EYS: variants seen among roughly 807,000 people sequenced by gnomAD.
EYS encodes the protein protein eyes shut homolog.
Under a neutral mutation model 282.1 loss-of-function variants are expected in EYS, and 250 were observed. The observed-to-expected ratio is 0.89, with a 90% CI of 0.80 to 0.98. The LOEUF (loss-of-function observed/expected upper bound fraction) is 0.98. EYS is among the 50% of genes least tolerant of loss of function. EYS has a pLI of 0.00. For synonymous variants in EYS, 1,355 were observed against 1,282.9 expected (o/e 1.06, Z -1.20); for missense variants, 4,016 against 3,709.0 (o/e 1.08, Z -2.15).
At chr6:63,847,871 G>A (rs1304831589) in intron 36 of EYS, among the ~76,000 whole-genome samples, 3 of 152,088 alleles carry the variant, frequency 2.0e-5, no homozygotes, top group Non-Finnish European at 1.5e-5. Context: ...GTCAAATGTT[G>A]AATACTTTTC....
At chr6:63,826,866 G>GAAAAAAAAAAAAAAAAAA (rs1771481810) in intron 36 of EYS, among the ~76,000 whole-genome samples, 1 of 96,468 alleles carries the variant, frequency 1.0e-5, no homozygotes, top group Non-Finnish European at 2.2e-5. Flanking sequence ...AAAAAAAAAG[G>GAAAAAAAAAAAAAAAAAA]ACAAAAACAA....
Position 64,864,385 on chromosome 6 carries a change from C to CTTTTTTTTTTTTTT in EYS, c.2992+22298_2992+22311dup, listed in dbSNP as rs769240399. 1.0e-3 allele frequency among the ~76,000 whole-genome samples: 59 copies of CTTTTTTTTTTTTTT among 57,180 alleles called. 12 individuals are homozygous for CTTTTTTTTTTTTTT. Among genetic ancestry groups the CTTTTTTTTTTTTTT allele is most frequent in the African/African-American group, 1.7e-3 (29 of 17,112 alleles). The allele number at this position is 57,180 out of a possible 152,430, so 37.5% of individuals were successfully genotyped here. On this transcript the variant is annotated intron_variant, in intron 19 of 42. Transcript: ENST00000503581. ...GAGAAATACAGAGGTGCTATACCTT[C>CTTTTTTTTTTTTTT]TTTTTTTTTTTTTTTTTTTTTGACA...
At chr6:64,314,792 A>T (rs2150380555) in intron 29 of EYS, among the ~76,000 whole-genome samples, 1 of 152,222 alleles carries the variant, frequency 6.6e-6, no homozygotes, top group East Asian at 1.9e-4. Flanking sequence ...AGGGAAATTT[A>T]TAGCAATAAA....
At chr6:64,821,755 A>G in intron 20 of EYS, 32 bp from the exon 21 acceptor site, 1 of 1,243,474 alleles carries the variant, frequency 8.0e-7, no homozygotes, top group Non-Finnish European at 1.1e-6. Context: ...ACATTTTCAA[A>G]TAAGTAGATG....
intron 22 of EYS, among the ~76,000 whole-genome samples, chr6:64,710,583 G>T (rs1285233488): frequency 6.6e-6 from 1 of 152,120 alleles, no homozygotes; most frequent in Non-Finnish European, 1.5e-5. Flanking sequence ...ATAAATTTCT[G>T]GTTTAGCTGC....
At position 65,202,233 on chromosome 6, in the gene EYS, G is replaced by A. The variant is rs923373733; in HGVS notation, c.2023+93630C>T. Among the ~76,000 whole-genome samples the A allele has an allele frequency of 8.6e-5, 13 of 151,968 alleles. No homozygotes were observed. The East Asian group carries it at 1.4e-3, about 16-fold the overall frequency. On this transcript the variant is annotated intron_variant, in intron 12 of 42. Transcript: ENST00000503581. ...AAACTCATATTACACCACTATCAAA[G>A]TAATAAAAAATAAAGGAAATCGGGT...
intron 29 of EYS, among the ~76,000 whole-genome samples, chr6:64,322,093 A>C (rs1191469592): frequency 6.6e-6 from 1 of 152,032 alleles, no homozygotes; most frequent in Admixed American, 6.6e-5. Context: ...TTTACTAAGC[A>C]CATACTCGGT....
At chr6:65,659,743 A>G (rs1320951739) in intron 1 of EYS, among the ~76,000 whole-genome samples, 1 of 151,744 alleles carries the variant, frequency 6.6e-6, no homozygotes, top group Non-Finnish European at 1.5e-5. Flanking sequence ...ATTTTCAAAC[A>G]AATTTACTAA....
chr6:63,822,484 G>T (rs1771350099), intron 36 of EYS: 1 of 152,152 alleles, frequency 6.6e-6, no homozygotes, highest in Non-Finnish European at 1.5e-5. Flanking sequence ...TTACTAAGTG[G>T]AACTGATATT....
At chr6:64,294,227 T>C (rs1273081619) in intron 30 of EYS, among the ~76,000 whole-genome samples, 1 of 152,164 alleles carries the variant, frequency 6.6e-6, no homozygotes, top group Non-Finnish European at 1.5e-5. Flanking sequence ...ACCAAACTGG[T>C]GAATCAGTTT....
chr6:65,251,398 A>G (rs1767319367), intron 12 of EYS, among the ~76,000 whole-genome samples: 1 of 151,730 alleles, frequency 6.6e-6, no homozygotes, highest in Admixed American at 6.6e-5. Context: ...TTTTAATTAT[A>G]GAGAAAAAAT....
At chr6:64,950,819 ATATATATATATAT>A (rs1562272735) in intron 14 of EYS, among the ~76,000 whole-genome samples, 1 of 114,534 alleles carries the variant, frequency 8.7e-6, no homozygotes, top group Non-Finnish European at 1.9e-5. Flanking sequence ...ATATATATAT[ATATATATATATAT>A]ATTGTTGAAT....
chr6:64,282,839 A>C (rs1357367085), intron 30 of EYS, among the ~76,000 whole-genome samples: 1 of 152,176 alleles, frequency 6.6e-6, no homozygotes, highest in Non-Finnish European at 1.5e-5. Flanking sequence ...GATACTATGA[A>C]TCTGATGAAT....
chr6:65,014,719 G>A (rs553340592), intron 13 of EYS, among the ~76,000 whole-genome samples: 1 of 152,278 alleles, frequency 6.6e-6, no homozygotes, highest in South Asian at 2.1e-4. Context: ...TATTTTATGT[G>A]CCATTAAGGG....
At chr6:64,343,755 A>C (rs530160724) in intron 29 of EYS, among the ~76,000 whole-genome samples, 2 of 152,284 alleles carry the variant, frequency 1.3e-5, no homozygotes, top group South Asian at 4.1e-4. Context: ...TCAAAAAATC[A>C]GTGAATCCAG....
chr6:65,072,969 AATGTTTTTT>A (rs1773943925), intron 12 of EYS, among the ~76,000 whole-genome samples: 1 of 151,548 alleles, frequency 6.6e-6, no homozygotes, highest in Non-Finnish European at 1.5e-5. Context: ...TTATATAATT[AATGTTTTTT>A]ATGAACAAAC....
At chr6:63,996,910 G>T (rs1427084773) in intron 34 of EYS, among the ~76,000 whole-genome samples, 1 of 152,048 alleles carries the variant, frequency 6.6e-6, no homozygotes, top group Non-Finnish European at 1.5e-5. Flanking sequence ...ATTAATACAG[G>T]TGTTTTTTCT....
rs574493048 is a variant in EYS at position 63,834,302 on chromosome 6, A to G, written c.7229-27930T>C. On this transcript the variant is annotated intron_variant, in intron 36 of 42. Transcript: ENST00000503581. Reference sequence around the variant, plus strand: ...TACAGAATGGGAGAAAATTTTTACAATCTACCCATGTGACAAGGGAGTAAT... The same window carrying G: ...TACAGAATGGGAGAAAATTTTTACAGTCTACCCATGTGACAAGGGAGTAAT... Among the ~76,000 whole-genome samples the G allele has an allele frequency of 4.6e-5, 7 of 152,318 alleles. 2 individuals carry two copies. The highest frequency in any genetic ancestry group is 1.7e-4 in the African/African-American group (7 of 41,574).
intron 29 of EYS, among the ~76,000 whole-genome samples, chr6:64,362,847 T>C (rs2150409503): frequency 6.6e-6 from 1 of 151,954 alleles, no homozygotes; most frequent in South Asian, 2.1e-4. Flanking sequence ...TTCATCAGTT[T>C]TATCCAGAGC....
Sources: gnomAD v4.1 joint callset for allele counts (sites outside exome capture counted in the v4.1 genomes callset) on GRCh38, gnomAD v4.1.1 for gene constraint, MANE v1.5 for transcripts, NCBI Gene and HGNC (gene_info 2026-07-23, HGNC 2026-07-21) for gene names.